The following BBS7 variants were observed in gnomAD, a reference collection of about 807,000 sequenced individuals.
BBS7 encodes BBSome complex member BBS7.
A neutral mutation model predicts 90.3 loss-of-function variants in BBS7; 50 were observed. The ratio of observed to expected loss-of-function variants is 0.55; its 90% CI spans 0.44 to 0.70. BBS7 has a LOEUF of 0.70. Among genes scored for constraint, BBS7 ranks in the 30% least tolerant of loss-of-function variants. The pLI is 0.00. For missense variants in BBS7, 729 were observed against 838.9 expected, an observed-to-expected ratio of 0.87 and a Z score of 1.62; for synonymous variants, 235 against 287.4, an observed-to-expected ratio of 0.82 and a Z score of 1.85.
At chr4:121,829,660 T>C (rs922008276) in intron 15 of BBS7, among the ~76,000 whole-genome samples, 1 of 152,224 alleles carries the variant, frequency 6.6e-6, no homozygotes, top group Non-Finnish European at 1.5e-5. Flanking sequence ...GGAGGAAGCA[T>C]TGAGCAGTAC....
rs1336827174 is a variant in BBS7 at position 121,856,399 on chromosome 4, C to A, written c.529-838G>T. ...ACTTATACTCACATGGAAAAAATAT[C>A]CATGATCTATAATTCAATGAATACA... On this transcript the variant is annotated intron_variant, in intron 5 of 18. Transcript: ENST00000264499. 2.0e-5 allele frequency among the ~76,000 whole-genome samples: 3 copies of A among 152,260 alleles called. No homozygotes were observed. The East Asian group carries it at 5.8e-4, about 29-fold the overall frequency.
At chr4:121,834,445 A>G (rs1341098998) in intron 14 of BBS7, among the ~76,000 whole-genome samples, 1 of 152,170 alleles carries the variant, frequency 6.6e-6, no homozygotes, top group Non-Finnish European at 1.5e-5. Context: ...ATATATTTTA[A>G]ATTATAGGCA....
At chr4:121,854,003 CA>C (rs1299373959) in intron 7 of BBS7, among the ~76,000 whole-genome samples, 1 of 152,006 alleles carries the variant, frequency 6.6e-6, no homozygotes, top group African/African-American at 2.4e-5. Context: ...TTTTTTTCCC[CA>C]AATCTTCATA....
intron 5 of BBS7, among the ~76,000 whole-genome samples, chr4:121,857,583 G>C (rs185387837): frequency 6.6e-6 from 1 of 152,268 alleles, no homozygotes; most frequent in Admixed American, 6.5e-5. Flanking sequence ...ATGCGGTGCA[G>C]AGGGAAAGAC....
At chr4:121,858,099 C>A (rs1177155712) in intron 5 of BBS7, among the ~76,000 whole-genome samples, 2 of 152,176 alleles carry the variant, frequency 1.3e-5, no homozygotes, top group African/African-American at 2.4e-5. Flanking sequence ...AGCCACCATG[C>A]CTGGCCTAAA....
At chr4:121,860,436 A>C (rs1726914999) in intron 4 of BBS7, among the ~76,000 whole-genome samples, 1 of 152,098 alleles carries the variant, frequency 6.6e-6, no homozygotes, top group Non-Finnish European at 1.5e-5. Context: ...TCAGACAATC[A>C]ATTTTCAAAA....
At position 121,870,292 on chromosome 4, in the gene BBS7, T is replaced by C. The variant is rs757370927; in HGVS notation, c.22A>G (p.Met8Val). 1.2e-6 allele frequency: 2 copies of C among 1,614,064 alleles called. No homozygotes were observed. The highest frequency in any genetic ancestry group is 2.2e-5 in the East Asian group (1 of 44,840). The change falls in exon 1 of 19, where the codon ATG becomes GTG. Residue 8 changes from methionine (M) to valine (V), a missense_variant. Physicochemically the swap from Met to Val is conservative, Grantham distance 21. Coordinates refer to ENST00000264499, the MANE Select transcript of BBS7 (RefSeq NM_176824.3). ...CTTGGGTTTACCTGCAGATAATCCA[T>C]TCGGTTTAAAATCAGATCCATGATG... Reference protein sequence around the residue: MDLILNRMDYLQVGVTSQ... With the variant: MDLILNRVDYLQVGVTSQ...
intron 2 of BBS7, among the ~76,000 whole-genome samples, chr4:121,863,641 AT>A (rs1451535726): frequency 3.3e-5 from 5 of 151,640 alleles, no homozygotes; most frequent in African/African-American, 9.7e-5. Context: ...CTACAAAGTA[AT>A]TTTTTTTTCA....
intron 4 of BBS7, among the ~76,000 whole-genome samples, chr4:121,859,718 G>C (rs1019927419): frequency 6.6e-5 from 10 of 151,622 alleles, no homozygotes; most frequent in African/African-American, 2.4e-4. Flanking sequence ...TAAATTGCCT[G>C]AAAAAGTCTA....
chr4:121,862,326 G>A (rs1323964450), intron 3 of BBS7, among the ~76,000 whole-genome samples: 1 of 151,818 alleles, frequency 6.6e-6, no homozygotes, highest in East Asian at 1.9e-4. Flanking sequence ...TTTATTATTT[G>A]CACCAGCTTC....
chr4:121,829,869 C>A (rs1725097723), intron 15 of BBS7, among the ~76,000 whole-genome samples: 2 of 152,154 alleles, frequency 1.3e-5, no homozygotes, highest in South Asian at 4.1e-4. Context: ...GGGATAAAAT[C>A]TTGATGACAT....
chr4:121,849,467 C>T (rs1468262163), intron 8 of BBS7, among the ~76,000 whole-genome samples: 3 of 152,196 alleles, frequency 2.0e-5, no homozygotes, highest in Non-Finnish European at 4.4e-5. Context: ...TCCCAAACTG[C>T]TAGGATTATA....
At position 121,867,448 on chromosome 4, in the gene BBS7, T is replaced by C. The variant is rs149304726; in HGVS notation, c.102+533A>G. Among the ~76,000 whole-genome samples the C allele has an allele frequency of 1.8e-3, 267 of 152,322 alleles. 1 individual carries two copies. The highest frequency in any genetic ancestry group is 2.9e-3 in the Non-Finnish European group (199 of 68,008). Reference sequence around the variant, plus strand: ...TAATTGCTCTGGCTAGGACTTCTAGTACTATGTGTAATTGTTGATTCATCT... The same window carrying C: ...TAATTGCTCTGGCTAGGACTTCTAGCACTATGTGTAATTGTTGATTCATCT... On this transcript the variant is annotated intron_variant, in intron 2 of 18. Coordinates refer to ENST00000264499, the MANE Select transcript of BBS7 (RefSeq NM_176824.3).
chr4:121,830,405 CAAAT>C (rs1725122938), intron 15 of BBS7, among the ~76,000 whole-genome samples: 1 of 151,106 alleles, frequency 6.6e-6, no homozygotes, highest in Non-Finnish European at 1.5e-5. Flanking sequence ...TGTCTCAAAA[CAAAT>C]AAAAAAAAAG....
Position 121,859,036 on chromosome 4 carries a change from T to C in BBS7, c.484A>G (p.Thr162Ala). The C allele has an allele frequency of 1.2e-6, 2 of 1,613,932 alleles. No homozygotes were observed. Among genetic ancestry groups the C allele is most frequent in the South Asian group, 1.1e-5 (1 of 91,076 alleles). ...CTGTCCTGGCAGGCCAATACAGGTG[T>C]GATACGAGATAATCTTTCCACTGGA... Reference protein sequence around the residue: ...CLPVERLSRITPVLACQDRVL... With the variant: ...CLPVERLSRIAPVLACQDRVL... The change falls in exon 5 of 19, where the codon ACA becomes GCA. Residue 162 changes from threonine (T) to alanine (A), a missense_variant. By Grantham distance (58) the Thr-to-Ala change is moderately conservative (BLOSUM62 0). Coordinates refer to ENST00000264499, the MANE Select transcript of BBS7 (RefSeq NM_176824.3).
intron 7 of BBS7, among the ~76,000 whole-genome samples, chr4:121,854,148 T>C (rs888870647): frequency 3.9e-5 from 6 of 152,218 alleles, no homozygotes; most frequent in African/African-American, 1.4e-4. Flanking sequence ...CCCTGTTTTA[T>C]TTTCTTCAGG....
intron 5 of BBS7, among the ~76,000 whole-genome samples, chr4:121,855,813 CACATGTAT>C (rs1726589301): frequency 6.6e-6 from 1 of 150,978 alleles, no homozygotes; most frequent in Non-Finnish European, 1.5e-5. Flanking sequence ...GATATGTACA[CACATGTAT>C]ACATATATAC....
At chr4:121,865,786 T>A (rs1421909024) in intron 2 of BBS7, among the ~76,000 whole-genome samples, 1 of 152,232 alleles carries the variant, frequency 6.6e-6, no homozygotes, top group Non-Finnish European at 1.5e-5. Flanking sequence ...TGAAAAATCC[T>A]ACATACTGTT....
chr4:121,826,533 G>A (rs1322088922), intron 18 of BBS7, among the ~76,000 whole-genome samples: 1 of 152,146 alleles, frequency 6.6e-6, no homozygotes, highest in African/African-American at 2.4e-5. Flanking sequence ...GATGCAAGAT[G>A]TATTTCAGAA....
Sources: allele counts gnomAD v4.1 joint callset (sites outside exome capture counted in the v4.1 genomes callset), GRCh38; gene constraint gnomAD v4.1.1; transcripts MANE v1.5; gene names NCBI Gene and HGNC (gene_info 2026-07-23, HGNC 2026-07-21).